SRBD1: variants seen among roughly 807,000 people sequenced by gnomAD.
SRBD1 encodes the protein S1 RNA-binding domain-containing protein 1.
SRBD1 carries 88 observed loss-of-function variants against 115.3 expected under a neutral mutation model. That is an observed-to-expected ratio of 0.76 (90% CI 0.64 to 0.91). The LOEUF is 0.91. Among genes scored for constraint, SRBD1 ranks in the 40% least tolerant of loss-of-function variants. The pLI is 0.00. For missense variants in SRBD1, 1,385 were observed against 1,177.4 expected (o/e 1.18, Z -2.58); for synonymous variants, 509 against 407.7 (o/e 1.25, Z -2.99).
At chr2:45,448,345 A>AC (rs1160597672) in intron 16 of SRBD1, among the ~76,000 whole-genome samples, 1 of 152,214 alleles carries the variant, frequency 6.6e-6, no homozygotes, top group Non-Finnish European at 1.5e-5. Flanking sequence ...ACTGGGTACT[A>AC]CAAAAAGGCT....
intron 14 of SRBD1, among the ~76,000 whole-genome samples, chr2:45,526,618 C>A (rs1011887106): frequency 1.3e-5 from 2 of 151,724 alleles, no homozygotes; most frequent in Non-Finnish European, 2.9e-5. Context: ...GTGTGAATAT[C>A]TCAGTAAAAC....
At chr2:45,501,139 C>T (rs1316551143) in intron 14 of SRBD1, among the ~76,000 whole-genome samples, 2 of 152,152 alleles carry the variant, frequency 1.3e-5, no homozygotes, top group African/African-American at 4.8e-5. Flanking sequence ...TTGAAATGAT[C>T]ATATGGTTTT....
chr2:45,446,145 G>T (rs1043727099), intron 16 of SRBD1, among the ~76,000 whole-genome samples: 2 of 152,160 alleles, frequency 1.3e-5, no homozygotes, highest in African/African-American at 4.8e-5. Context: ...ATATAAAACA[G>T]TTGCCTCCTA....
chr2:45,462,450 C>A (rs1233551032), intron 16 of SRBD1, among the ~76,000 whole-genome samples: 1 of 152,016 alleles, frequency 6.6e-6, no homozygotes, highest in Admixed American at 6.5e-5. Context: ...AATAATGAAA[C>A]AAAAGCCTTG....
intron 14 of SRBD1, among the ~76,000 whole-genome samples, chr2:45,501,166 G>C (rs1294233279): frequency 6.6e-6 from 1 of 152,160 alleles, no homozygotes; most frequent in Non-Finnish European, 1.5e-5. Context: ...TGATTCTGTT[G>C]ATGTGATGTA....
intron 12 of SRBD1, among the ~76,000 whole-genome samples, chr2:45,549,477 T>A (rs905095245): frequency 2.6e-5 from 4 of 151,738 alleles, no homozygotes; most frequent in South Asian, 2.1e-4. Context: ...AGCAAAAAAA[T>A]TTTTAAAAGA....
At chr2:45,545,782 T>C (rs757390783) in intron 14 of SRBD1, among the ~76,000 whole-genome samples, 1 of 152,216 alleles carries the variant, frequency 6.6e-6, no homozygotes. Flanking sequence ...TTACTCCCCT[T>C]GTTACCCTGA....
At position 45,581,815 on chromosome 2, in the gene SRBD1, A is replaced by G. The variant is rs376975065; in HGVS notation, c.816-5T>C. The G allele has an allele frequency of 3.7e-6, 6 of 1,602,894 alleles. No individual in the cohort carries two copies. The African/African-American group carries it at 6.8e-5, about 18-fold the overall frequency. Reference sequence around the variant, plus strand: ...TGAACTTTCTTTGCAACAGCCCTGAAAAGAGAAACTTTTGTAATATACCAA... The same window carrying G: ...TGAACTTTCTTTGCAACAGCCCTGAGAAGAGAAACTTTTGTAATATACCAA... On this transcript the variant is annotated splice_region_variant and splice_polypyrimidine_tract_variant and intron_variant, in intron 5 of 20. Transcript: ENST00000263736.
chr2:45,481,342 T>G (rs563141951), intron 15 of SRBD1, among the ~76,000 whole-genome samples: 5 of 152,180 alleles, frequency 3.3e-5, no homozygotes, highest in African/African-American at 1.2e-4. Context: ...AGCTCGAGGT[T>G]GAGAATGATC....
intron 16 of SRBD1, among the ~76,000 whole-genome samples, chr2:45,461,115 T>C (rs959191031): frequency 3.3e-5 from 5 of 152,194 alleles, no homozygotes; most frequent in Non-Finnish European, 7.3e-5. Context: ...TTGTCAACTC[T>C]CCTGGGGAAG....
Position 45,553,692 on chromosome 2 carries a change from T to C in SRBD1, c.1448A>G (p.Lys483Arg). ...PRSFARPELMKILYNSLNDSF... is the reference protein window; with the variant it reads ...PRSFARPELMRILYNSLNDSF... ...ATCATTCAGTGAATTATATAAGATC[T>C]TCATTAACTCTGGCCTTGCAAAGCT... Residue 483 changes from lysine to arginine, a missense_variant, in exon 11 of 21, where the codon AAG becomes AGG. Coordinates refer to ENST00000263736, the MANE Select transcript of SRBD1 (RefSeq NM_018079.5). 6.2e-7 allele frequency: 1 copy of C among 1,608,286 alleles called. No homozygotes were observed. Among genetic ancestry groups the C allele is most frequent in the South Asian group, 1.1e-5 (1 of 89,958 alleles).
chr2:45,598,668 A>G (rs1372042184), intron 4 of SRBD1, among the ~76,000 whole-genome samples: 1 of 152,122 alleles, frequency 6.6e-6, no homozygotes, highest in East Asian at 1.9e-4. Flanking sequence ...GTACAAAGAC[A>G]TTTGTGACAC....
At chr2:45,556,025 C>T (rs970024037) in intron 10 of SRBD1, among the ~76,000 whole-genome samples, 1 of 152,214 alleles carries the variant, frequency 6.6e-6, no homozygotes, top group Non-Finnish European at 1.5e-5. Context: ...AAATGAACTA[C>T]ATTTCACTGA....
chr2:45,607,604 A>T (rs1024430031), intron 1 of SRBD1, among the ~76,000 whole-genome samples: 3 of 152,068 alleles, frequency 2.0e-5, no homozygotes, highest in Non-Finnish European at 4.4e-5. Context: ...TGAGAACCAA[A>T]CCAATTTACC....
chr2:45,466,839 C>G (rs1362895074), intron 16 of SRBD1, among the ~76,000 whole-genome samples: 1 of 152,174 alleles, frequency 6.6e-6, no homozygotes, highest in Non-Finnish European at 1.5e-5. Context: ...GATTCTGATT[C>G]AACAGGCCTG....
At chr2:45,532,927 CA>C (rs1490789660) in intron 14 of SRBD1, among the ~76,000 whole-genome samples, 1 of 152,034 alleles carries the variant, frequency 6.6e-6, no homozygotes, top group African/African-American at 2.4e-5. Context: ...AGGATCTCAA[CA>C]AAGGATTTCA....
intron 14 of SRBD1, among the ~76,000 whole-genome samples, chr2:45,531,837 T>C (rs1671622372): frequency 6.6e-6 from 1 of 151,824 alleles, no homozygotes. Context: ...GTTTCCCACT[T>C]TACAGCTTCT....
chr2:45,437,065 T>TA (rs1668519390), intron 16 of SRBD1, among the ~76,000 whole-genome samples: 1 of 152,208 alleles, frequency 6.6e-6, no homozygotes, highest in Admixed American at 6.5e-5. Flanking sequence ...AAGATATGTA[T>TA]AAGATCTATA....
intron 15 of SRBD1, among the ~76,000 whole-genome samples, chr2:45,485,722 C>G (rs944918328): frequency 6.6e-6 from 1 of 152,144 alleles, no homozygotes; most frequent in African/African-American, 2.4e-5. Flanking sequence ...TATTCTTATA[C>G]AGCAAACTTT....
Sources: gnomAD v4.1 joint callset for allele counts (sites outside exome capture counted in the v4.1 genomes callset) on GRCh38, gnomAD v4.1.1 for gene constraint, MANE v1.5 for transcripts, NCBI Gene and HGNC (gene_info 2026-07-23, HGNC 2026-07-21) for gene names.